Variants in BIRC6 observed in about 807,000 individuals in gnomAD.
The protein encoded by BIRC6 is dual E2 ubiquitin-conjugating enzyme/E3 ubiquitin-protein ligase BIRC6.
A neutral mutation model predicts 503.3 loss-of-function variants in BIRC6; 98 were observed. That is an observed-to-expected ratio of 0.19 (90% CI 0.17 to 0.23). The LOEUF (loss-of-function observed/expected upper bound fraction) is 0.23, where lower values mean the gene tolerates loss of function less well. Among genes scored for constraint, BIRC6 ranks in the 10% least tolerant of loss-of-function variants. The pLI is 1.00. For missense variants in BIRC6, 5,360 were observed against 5,806.0 expected, an observed-to-expected ratio of 0.92 and a Z score of 2.50; for synonymous variants, 2,240 against 2,078.7, an observed-to-expected ratio of 1.08 and a Z score of -2.11.
At chr2:32,582,823 C>G (rs1195376553) in intron 66 of BIRC6, among the ~76,000 whole-genome samples, 1 of 152,112 alleles carries the variant, frequency 6.6e-6, no homozygotes, top group Non-Finnish European at 1.5e-5. Context: ...AGGATTAACA[C>G]TGTGGGATTT....
chr2:32,506,834 TC>T (rs1283863893), intron 50 of BIRC6, among the ~76,000 whole-genome samples: 4 of 152,206 alleles, frequency 2.6e-5, no homozygotes, highest in African/African-American at 9.6e-5. Flanking sequence ...TTACTTAATC[TC>T]TTTTTGCTAT....
chr2:32,469,473 G>A lies in BIRC6; in HGVS notation c.6206G>A (p.Ser2069Asn). 6.2e-7 allele frequency: 1 copy of A among 1,613,944 alleles called. No homozygotes were observed. Among genetic ancestry groups the A allele is most frequent in the Non-Finnish European group, 8.5e-7 (1 of 1,179,836 alleles). The part of the protein sequence containing the change: ...CEELFKHLCI[S>N]GTPKIRLHTG... Reference sequence around the variant, plus strand: ...GAGCTCTTTAAACACTTGTGCATCAGTGGAACCCCAAAGATACGGTTACAT... The same window carrying A: ...GAGCTCTTTAAACACTTGTGCATCAATGGAACCCCAAAGATACGGTTACAT... The change falls in exon 30 of 74, where the codon AGT becomes AAT. Residue 2069 changes from serine (S) to asparagine (N), a missense_variant. Coordinates refer to ENST00000421745, the MANE Select transcript of BIRC6 (RefSeq NM_016252.4).
At chr2:32,610,808 G>T (rs1444120902) in intron 72 of BIRC6, among the ~76,000 whole-genome samples, 1 of 151,818 alleles carries the variant, frequency 6.6e-6, no homozygotes, top group Non-Finnish European at 1.5e-5. Flanking sequence ...TTGCTCTGTC[G>T]CCCAGGCTGG....
chr2:32,510,774 C>T (rs749979644), intron 53 of BIRC6, 140 bp downstream of exon 53: 4 of 582,424 alleles, frequency 6.9e-6, no homozygotes, highest in Admixed American at 3.1e-5. Flanking sequence ...ATGCCTCACA[C>T]GATGTAACTT....
At chr2:32,570,998 A>C (rs776242362) in intron 65 of BIRC6, among the ~76,000 whole-genome samples, 3 of 151,754 alleles carry the variant, frequency 2.0e-5, no homozygotes, top group Non-Finnish European at 4.4e-5. Flanking sequence ...TTGTGGAGAC[A>C]GGTTTTCTTG....
intron 8 of BIRC6, among the ~76,000 whole-genome samples, chr2:32,406,008 T>G (rs1214777479): frequency 6.6e-6 from 1 of 152,206 alleles, no homozygotes; most frequent in Non-Finnish European, 1.5e-5. Flanking sequence ...TTGTCAGTGT[T>G]GTTAATCAGT....
chr2:32,553,464 AG>A (rs1323361270), intron 65 of BIRC6, among the ~76,000 whole-genome samples: 1 of 151,724 alleles, frequency 6.6e-6, no homozygotes, highest in Non-Finnish European at 1.5e-5. Context: ...CTTGGCTCAC[AG>A]CAACCTCCGC....
chr2:32,545,399 GA>G (rs2057987115), intron 62 of BIRC6, among the ~76,000 whole-genome samples: 1 of 152,110 alleles, frequency 6.6e-6, no homozygotes, highest in South Asian at 2.1e-4. Context: ...CTATAGCTAT[GA>G]TCATACATAT....
chr2:32,481,251 A>G (rs2050371555), intron 37 of BIRC6, 69 bp from the exon 38 acceptor site: 5 of 1,336,960 alleles, frequency 3.7e-6, no homozygotes, highest in Non-Finnish European at 4.9e-6. Flanking sequence ...TTTTTTAACT[A>G]AAAGCATTAT....
rs545019613 is a variant in BIRC6 at position 32,588,797 on chromosome 2, T to C, written c.13356-5118T>C. 4.6e-5 allele frequency among the ~76,000 whole-genome samples: 7 copies of C among 152,346 alleles called. No homozygotes were observed. The East Asian group carries it at 1.3e-3, about 29-fold the overall frequency. On this transcript the variant is annotated intron_variant, in intron 66 of 73. Transcript: ENST00000421745. ...AATACTTTAAATCTGTACATACATATTGTTTTTACTTGAATTTAAATATTA... is the reference window on the plus strand; with the variant it reads ...AATACTTTAAATCTGTACATACATACTGTTTTTACTTGAATTTAAATATTA...
intron 40 of BIRC6, among the ~76,000 whole-genome samples, chr2:32,486,719 A>G (rs2051030591): frequency 6.6e-6 from 1 of 152,204 alleles, no homozygotes; most frequent in Non-Finnish European, 1.5e-5. Context: ...CTTATGTTAA[A>G]TTGAATTCTT....
rs756969910 is a variant in BIRC6 at position 32,401,321 on chromosome 2, A to G, written c.1193A>G (p.His398Arg). Residue 398 changes from histidine (H) to arginine (R), a missense_variant, in exon 7 of 74, where the codon CAT becomes CGT. By Grantham distance (29) the His-to-Arg change is conservative. Around this residue, in one of 16 missense-constraint regions of BIRC6, gnomAD observed 92 missense variants for 176.7 expected, o/e 0.52. Transcript: ENST00000421745. ...TGCTTTGGGTCGGGGAGCTGCCCTC[A>G]TTTTCTAGCTGCTGCAACTAAACGA... is the stretch of plus-strand genomic sequence containing the variant. ...ISCFGSGSCPHFLAAATKRGK... is the reference protein window; with the variant it reads ...ISCFGSGSCPRFLAAATKRGK... The G allele has an allele frequency of 1.2e-5, 19 of 1,613,810 alleles. No homozygotes were observed. The highest frequency in any genetic ancestry group is 3.3e-4 in the Middle Eastern group (2 of 6,084).
chr2:32,404,561 G>T (rs995520305), intron 8 of BIRC6, among the ~76,000 whole-genome samples: 1 of 152,030 alleles, frequency 6.6e-6, no homozygotes, highest in African/African-American at 2.4e-5. Context: ...TGATGTGCCT[G>T]CTTCAGCCTC....
Position 32,410,732 on chromosome 2 carries a change from G to A in BIRC6, c.1478-4037G>A, listed in dbSNP as rs372604648. The stretch of plus-strand genomic sequence containing the variant: ...TTTTTTTTTTTTGAAATGGAGTCTC[G>A]CTCTGTCGCCCAGGCTGGAGTGCAG... On this transcript the variant is annotated intron_variant, in intron 9 of 73. Coordinates refer to ENST00000421745, the MANE Select transcript of BIRC6 (RefSeq NM_016252.4). Among the ~76,000 whole-genome samples, 32 of 149,660 alleles carry A rather than the reference G, an allele frequency of 2.1e-4. No homozygotes were observed. The South Asian group carries it at 6.3e-3, about 30-fold the overall frequency.
At chr2:32,430,332 T>C (rs1201276678) in intron 11 of BIRC6, among the ~76,000 whole-genome samples, 2 of 152,214 alleles carry the variant, frequency 1.3e-5, no homozygotes, top group African/African-American at 2.4e-5. Context: ...AATACTAGCA[T>C]GTATGCAAGA....
intron 65 of BIRC6, among the ~76,000 whole-genome samples, chr2:32,560,921 C>T (rs1369496468): frequency 4.6e-5 from 7 of 151,690 alleles, no homozygotes; most frequent in East Asian, 1.9e-4. Flanking sequence ...GCAAGTAGGC[C>T]GGGGGCGGTG....
Position 32,357,126 on chromosome 2 carries a change from T to G in BIRC6, c.-36T>G. Reference sequence around the variant, plus strand: ...GTGCGTGCGGGCGCCTGACTTCACTTCCGGCTAACGCGCTCGGCTTGCCCC... The same window carrying G: ...GTGCGTGCGGGCGCCTGACTTCACTGCCGGCTAACGCGCTCGGCTTGCCCC... On this transcript the variant is annotated 5_prime_UTR_variant, in exon 1 of 74. Coordinates refer to ENST00000421745, the MANE Select transcript of BIRC6 (RefSeq NM_016252.4). The surrounding 1 kb of genome is among the most constrained non-coding windows in gnomAD (Gnocchi z 4.9). The G allele has an allele frequency of 1.4e-6, 2 of 1,446,180 alleles. No individual in the cohort carries two copies. The highest frequency in any genetic ancestry group is 1.8e-6 in the Non-Finnish European group (2 of 1,112,076). The allele number at this position is 1,446,180 out of a possible 1,614,324, so 89.6% of individuals were successfully genotyped here.
At position 32,519,661 on chromosome 2, in the gene BIRC6, A is replaced by G. The variant is rs553477236; in HGVS notation, c.11623+715A>G. On this transcript the variant is annotated intron_variant, in intron 57 of 73. Transcript: ENST00000421745. ...CTCCTGAGTAGCTGGCATTACAGGC[A>G]TGTGCCACCATGCCCAGCTAATTTT... is the stretch of plus-strand genomic sequence containing the variant. Among the ~76,000 whole-genome samples the G allele has an allele frequency of 4.6e-5, 7 of 152,242 alleles. No homozygotes were observed. In the East Asian group the frequency reaches 1.4e-3, roughly 29 times the overall value.
intron 61 of BIRC6, among the ~76,000 whole-genome samples, chr2:32,538,489 G>A (rs1481747078): frequency 6.6e-6 from 1 of 152,158 alleles, no homozygotes; most frequent in Non-Finnish European, 1.5e-5. Flanking sequence ...AGAAATAAGG[G>A]AAAAATCAAA....
Sources: gnomAD v4.1 joint callset for allele counts (sites outside exome capture counted in the v4.1 genomes callset) on GRCh38, gnomAD v4.1.1 for gene constraint, gnomAD v4.1.1 regional missense constraint, Gnocchi (gnomAD v3.1) non-coding constraint, MANE v1.5 for transcripts, NCBI Gene and HGNC (gene_info 2026-07-23, HGNC 2026-07-21) for gene names.